PRMT8: variants seen among roughly 807,000 people sequenced by gnomAD.
PRMT8 encodes protein arginine N-methyltransferase 8.
In PRMT8, 7 loss-of-function variants were observed where a neutral mutation model predicts 47.1. The observed-to-expected ratio is 0.15, with a 90% confidence interval of 0.08 to 0.28. The LOEUF (loss-of-function observed/expected upper bound fraction) is 0.28. Ranked by LOEUF, PRMT8 falls within the 10% of genes least tolerant of loss-of-function variation. PRMT8 has a pLI of 1.00. For missense variants in PRMT8, 237 were observed against 505.4 expected, an observed-to-expected ratio of 0.47 and a Z score of 5.09; for synonymous variants, 188 against 186.5, an observed-to-expected ratio of 1.01 and a Z score of -0.07.
rs570512660 is a variant in PRMT8 at position 3,409,457 on chromosome 12, C to T, written c.48+28015C>T. Reference sequence around the variant, plus strand: ...CAGTATCTGAGGCTCGGCAAGATAGCAAGGACCCCTGGGTCCTTGGTGAAA... The same window carrying T: ...CAGTATCTGAGGCTCGGCAAGATAGTAAGGACCCCTGGGTCCTTGGTGAAA... On this transcript the variant is annotated intron_variant, in intron 1 of 9. Coordinates refer to the PRMT8 transcript ENST00000452611. The surrounding 1 kb of genome is among the most constrained non-coding windows in gnomAD (Gnocchi z 4.4). Among the ~76,000 whole-genome samples, 1 of 152,270 alleles carries T rather than the reference C, an allele frequency of 6.6e-6. No individual in the cohort carries two copies. Among genetic ancestry groups the T allele is most frequent in the South Asian group, 2.1e-4 (1 of 4,818 alleles).
rs1866797763 is a variant in PRMT8 at position 3,569,187 on chromosome 12, G to C, written c.625-290G>C. Among the ~76,000 whole-genome samples the C allele has an allele frequency of 6.6e-6, 1 of 152,130 alleles. No homozygotes were observed. The highest frequency in any genetic ancestry group is 1.5e-5 in the Non-Finnish European group (1 of 68,028). ...CAGAGCCAGGTGTGCTATTCATCTG[G>C]GCTTCTCCAGGCCAAAGTCGTAACA... On this transcript the variant is annotated intron_variant, in intron 5 of 9. Transcript: ENST00000382622. The surrounding 1 kb of genome is among the most constrained non-coding windows in gnomAD (Gnocchi z 8.2).
At position 3,456,720 on chromosome 12, in the gene PRMT8, C is replaced by T. The variant is rs905680299; in HGVS notation, c.48+75278C>T. Among the ~76,000 whole-genome samples the T allele has an allele frequency of 2.0e-5, 3 of 152,058 alleles. No individual in the cohort carries two copies. The highest frequency in any genetic ancestry group is 7.2e-5 in the African/African-American group (3 of 41,380). On this transcript the variant is annotated intron_variant, in intron 1 of 9. Coordinates refer to the PRMT8 transcript ENST00000452611. The surrounding 1 kb of genome is among the most constrained non-coding windows in gnomAD (Gnocchi z 4.2). ...CTGGAGGGGAGGGCAGTGAGGAACC[C>T]GTGAGAAGGGGCCAACGCCCGGAGC...
chr12:3,580,380 G>A lies in PRMT8; in HGVS notation c.829-2678G>A, dbSNP rs1256691373. 2.0e-5 allele frequency among the ~76,000 whole-genome samples: 3 copies of A among 151,624 alleles called. No homozygotes were observed. Among genetic ancestry groups the A allele is most frequent in the Non-Finnish European group, 4.4e-5 (3 of 67,870 alleles). Reference sequence around the variant, plus strand: ...TGTGTGTGTGTGTACGCGTGCGCATGCGGGATAGAAGGAGAAAGTAACCAC... The same window carrying A: ...TGTGTGTGTGTGTACGCGTGCGCATACGGGATAGAAGGAGAAAGTAACCAC... On this transcript the variant is annotated intron_variant, in intron 7 of 9. Coordinates refer to ENST00000382622, the MANE Select transcript of PRMT8 (RefSeq NM_019854.5). This position sits in a 1 kb window ranked among gnomAD's most constrained non-coding sequence, Gnocchi z 4.6.
rs202098652 is a variant in PRMT8 at position 3,592,362 on chromosome 12, G to A, written c.1101+10G>A. 22 of 1,602,374 alleles carry A rather than the reference G, an allele frequency of 1.4e-5. No homozygotes were observed. Among genetic ancestry groups the A allele is most frequent in the Middle Eastern group, 3.3e-4 (2 of 6,040 alleles). On this transcript the variant is annotated intron_variant, in intron 9 of 9. Coordinates refer to ENST00000382622, the MANE Select transcript of PRMT8 (RefSeq NM_019854.5). ...AAATGCCAAAAATGTGGTAAGTGCC[G>A]AGGGACATAAGGACATAAGGGAGAA...
chr12:3,477,662 A>G (rs767153160), intron 1 of PRMT8, among the ~76,000 whole-genome samples: 24 of 152,204 alleles, frequency 1.6e-4, no homozygotes, highest in Middle Eastern at 3.2e-3. Flanking sequence ...TTCCTTGAAT[A>G]TCTCTCAACC....
At chr12:3,578,347 C>G (rs60190004) in intron 7 of PRMT8, among the ~76,000 whole-genome samples, 1 of 152,126 alleles carries the variant, frequency 6.6e-6, no homozygotes, top group African/African-American at 2.4e-5. Context: ...GTCTTAGCCT[C>G]CTGAGTAGCT....
intron 1 of PRMT8, among the ~76,000 whole-genome samples, chr12:3,397,595 GA>G (rs1378330574): frequency 6.6e-6 from 1 of 151,812 alleles, no homozygotes; most frequent in Non-Finnish European, 1.5e-5. Flanking sequence ...CGTGCTGGGA[GA>G]ACCACTGCTC....
At position 3,535,613 on chromosome 12, in the gene PRMT8, G is replaced by A. The variant is rs988301085; in HGVS notation, c.76-4993G>A. On this transcript the variant is annotated intron_variant, in intron 1 of 9. Transcript: ENST00000382622. The surrounding 1 kb of genome is among the most constrained non-coding windows in gnomAD (Gnocchi z 4.7). ...GGACAAGGCTGGAGGCGATGGTGCAGAAACAGGTACCAGAACCGACTCCAG... is the reference window on the plus strand; with the variant it reads ...GGACAAGGCTGGAGGCGATGGTGCAAAAACAGGTACCAGAACCGACTCCAG... Among the ~76,000 whole-genome samples, 1 of 152,144 alleles carries A rather than the reference G, an allele frequency of 6.6e-6. No individual in the cohort carries two copies. Among genetic ancestry groups the A allele is most frequent in the African/African-American group, 2.4e-5 (1 of 41,432 alleles).
In PRMT8 at chr12:3,457,730, T is replaced by A. The variant is rs12312444; in HGVS notation, c.48+76288T>A. 8.8e-3 allele frequency among the ~76,000 whole-genome samples: 1,344 copies of A among 151,980 alleles called. 20 individuals are homozygous for A. Among genetic ancestry groups the A allele is most frequent in the African/African-American group, 0.031 (1,273 of 41,452 alleles). On this transcript the variant is annotated intron_variant, in intron 1 of 9. Coordinates refer to the PRMT8 transcript ENST00000452611. Reference sequence around the variant, plus strand: ...AAAATTTGGAGAATATAGAATACCATTATAGCGAAGAATAATGTAGGAAAC... The same window carrying A: ...AAAATTTGGAGAATATAGAATACCAATATAGCGAAGAATAATGTAGGAAAC...
chr12:3,499,418 A>G (rs1865560914), intron 1 of PRMT8, among the ~76,000 whole-genome samples: 3 of 74,558 alleles, frequency 4.0e-5, no homozygotes, highest in East Asian at 6.9e-4. Context: ...TCATTGTTCA[A>G]TTCCCACCTA....
intron 2 of PRMT8, among the ~76,000 whole-genome samples, chr12:3,544,585 C>T (rs1454346355): frequency 2.0e-5 from 3 of 152,182 alleles, no homozygotes; most frequent in Admixed American, 6.5e-5. Flanking sequence ...CTGCTACTTA[C>T]AGGCTGGGGG....
At chr12:3,474,239 C>G (rs574188647) in intron 1 of PRMT8, among the ~76,000 whole-genome samples, 13 of 152,236 alleles carry the variant, frequency 8.5e-5, no homozygotes, top group African/African-American at 3.1e-4. Context: ...TCAGATAGGC[C>G]CAGGTTCAGA....
chr12:3,510,493 A>G (rs1865694670), intron 1 of PRMT8, among the ~76,000 whole-genome samples: 1 of 152,226 alleles, frequency 6.6e-6, no homozygotes, highest in South Asian at 2.1e-4. Context: ...TATACATCCT[A>G]TGTATTCAAA....
At chr12:3,528,137 T>C (rs893115840) in intron 1 of PRMT8, among the ~76,000 whole-genome samples, 2 of 152,192 alleles carry the variant, frequency 1.3e-5, no homozygotes, top group Admixed American at 6.5e-5. Flanking sequence ...ATAGTTTTTT[T>C]ACTCCCTCAC....
intron 1 of PRMT8, among the ~76,000 whole-genome samples, chr12:3,431,337 A>G (rs1312625715): frequency 6.6e-6 from 1 of 152,160 alleles, no homozygotes; most frequent in Non-Finnish European, 1.5e-5. Context: ...AGAGGGCACC[A>G]AACTGCAGTT....
At chr12:3,581,276 C>T (rs577346965) in intron 7 of PRMT8, among the ~76,000 whole-genome samples, 1 of 152,140 alleles carries the variant, frequency 6.6e-6, no homozygotes, top group Admixed American at 6.5e-5. Context: ...AGATAGCTTG[C>T]ATTGGAGAAG....
At chr12:3,542,350 C>T (rs576574571) in intron 2 of PRMT8, among the ~76,000 whole-genome samples, 1 of 152,340 alleles carries the variant, frequency 6.6e-6, no homozygotes, top group South Asian at 2.1e-4. Context: ...GATAAAATGC[C>T]ATCTCAGGGC....
At position 3,493,595 on chromosome 12, in the gene PRMT8, C is replaced by T. The variant is rs1278517283; in HGVS notation, c.75+1895C>T. 1.3e-5 allele frequency among the ~76,000 whole-genome samples: 2 copies of T among 152,098 alleles called. No homozygotes were observed. The highest frequency in any genetic ancestry group is 2.9e-5 in the Non-Finnish European group (2 of 68,034). On this transcript the variant is annotated intron_variant, in intron 1 of 9. Transcript: ENST00000382622. This position sits in a 1 kb window ranked among gnomAD's most constrained non-coding sequence, Gnocchi z 8.2. ...CCCTGCCAGGTTCCGCAGTGTGCAG[C>T]GGCGGCTGCTGCGCTCTCCCAGCCT... is the stretch of plus-strand genomic sequence containing the variant.
At chr12:3,404,068 A>C (rs993808432) in intron 1 of PRMT8, among the ~76,000 whole-genome samples, 3 of 152,106 alleles carry the variant, frequency 2.0e-5, no homozygotes, top group African/African-American at 4.8e-5. Context: ...AAATGTTGAC[A>C]TTTTGTCATA....
Sources: allele counts gnomAD v4.1 joint callset (sites outside exome capture counted in the v4.1 genomes callset), GRCh38; gene constraint gnomAD v4.1.1; non-coding constraint Gnocchi (gnomAD v3.1); transcripts MANE v1.5; gene names NCBI Gene and HGNC (gene_info 2026-07-23, HGNC 2026-07-21).